Variants in ARHGEF17 observed in about 807,000 individuals in gnomAD.
ARHGEF17 encodes the protein Rho guanine nucleotide exchange factor 17.
ARHGEF17 carries 80 observed loss-of-function variants against 174.0 expected under a neutral mutation model. The ratio of observed to expected loss-of-function variants is 0.46; its 90% confidence interval spans 0.38 to 0.55. The LOEUF is 0.55. ARHGEF17 is among the 20% of genes least tolerant of loss of function. The pLI, the probability that ARHGEF17 is intolerant of heterozygous loss-of-function variation, is 0.00. For missense variants in ARHGEF17, 2,886 were observed against 2,839.7 expected (o/e 1.02, Z -0.37); for synonymous variants, 1,311 against 1,189.1 (o/e 1.10, Z -2.11).
At position 73,362,157 on chromosome 11, in the gene ARHGEF17, G is replaced by T; in HGVS notation, c.4612G>T (p.Asp1538Tyr). The T allele has an allele frequency of 6.2e-7, 1 of 1,604,458 alleles. No homozygotes were observed. ...VCLLSLRAEP[D>Y]VEACIAVCSA... ...CCTGCTGAGCCTGCGCGCCGAGCCG[G>T]ACGTGGAGGCCTGCATCGCCGTCTG... The change falls in exon 13 of 21, where the codon GAC (aspartate) becomes TAC (tyrosine). Residue 1538 changes from aspartate (D) to tyrosine (Y), a missense_variant. By Grantham distance (160) the Asp-to-Tyr change is radical (BLOSUM62 -3). Coordinates refer to ENST00000263674, the MANE Select transcript of ARHGEF17 (RefSeq NM_014786.4).
At chr11:73,367,468 A>G (rs1172109552) in intron 20 of ARHGEF17, 116 bp from the exon 21 acceptor site, 2 of 875,660 alleles carry the variant, frequency 2.3e-6, no homozygotes, top group African/African-American at 1.7e-5. Flanking sequence ...GGATTCCCCC[A>G]TAGGAAGTGT....
chr11:73,309,166 C>CT lies in ARHGEF17; in HGVS notation c.530dup (p.Leu179ProfsTer100). Reference sequence around the variant, plus strand: ...CACCGACGCCACCCCCTCGGACATGCTTCCCCCTGGCGGGTCTGCGTTCGG... The same window carrying CT: ...CACCGACGCCACCCCCTCGGACATGCTTTCCCCCTGGCGGGTCTGCGTTCGG... On this transcript the variant is annotated frameshift_variant, in exon 1 of 21. Transcript: ENST00000263674. LOFTEE classifies it high-confidence loss of function. 1.3e-6 allele frequency: 2 copies of CT among 1,591,294 alleles called. No individual in the cohort carries two copies. The highest frequency in any genetic ancestry group is 1.7e-6 in the Non-Finnish European group (2 of 1,169,482).
chr11:73,358,799 A>T (rs1421828092), intron 9 of ARHGEF17, among the ~76,000 whole-genome samples: 1 of 152,010 alleles, frequency 6.6e-6, no homozygotes, highest in Non-Finnish European at 1.5e-5. Context: ...TCAGGATTCG[A>T]TTTCAACCTG....
rs1268983571 is a variant in ARHGEF17, at chr11:73,362,160, G to A, written c.4615G>A (p.Val1539Met). ...GCTGAGCCTGCGCGCCGAGCCGGAC[G>A]TGGAGGCCTGCATCGCCGTCTGTTC... Reference protein sequence around the residue: ...CLLSLRAEPDVEACIAVCSAR... With the variant: ...CLLSLRAEPDMEACIAVCSAR... The change falls in exon 13 of 21, where the codon GTG becomes ATG. Residue 1539 changes from valine to methionine, a missense_variant. Physicochemically the swap from Val to Met is conservative, Grantham distance 21. Transcript: ENST00000263674. 1 of 1,602,462 alleles carries A rather than the reference G, an allele frequency of 6.2e-7. No individual in the cohort carries two copies. The highest frequency in any genetic ancestry group is 1.7e-5 in the Admixed American group (1 of 59,304).
At chr11:73,360,796 G>A (rs1184736800) in intron 11 of ARHGEF17, among the ~76,000 whole-genome samples, 3 of 152,104 alleles carry the variant, frequency 2.0e-5, no homozygotes, top group Admixed American at 6.5e-5. Flanking sequence ...CAAGACCCTC[G>A]CCATACCCTC....
rs1209607361 is a variant in ARHGEF17 at position 73,308,575 on chromosome 11, G to T, written c.-64G>T. 3 of 1,336,368 alleles carry T rather than the reference G, an allele frequency of 2.2e-6. No individual in the cohort carries two copies. The highest frequency in any genetic ancestry group is 1.6e-5 in the African/African-American group (1 of 64,430). The allele number at this position is 1,336,368 out of a possible 1,614,324, so 82.8% of individuals were successfully genotyped here. A position where few individuals can be genotyped will look rare whatever the true frequency, so the allele number is the denominator to read the frequency against. On this transcript the variant is annotated 5_prime_UTR_variant, in exon 1 of 21. Transcript: ENST00000263674. ...TGGGCCGCTGCGCTCCTAGGGAGTG[G>T]GGGCGCAGGGGGGGTTGGCCGCGGC...
rs140021034 is a variant in ARHGEF17, at chr11:73,338,538, C to T, written c.3193-8345C>T. Among the ~76,000 whole-genome samples, 931 of 152,220 alleles carry T rather than the reference C, an allele frequency of 6.1e-3. 9 individuals are homozygous for T. Among genetic ancestry groups the T allele is most frequent in the Middle Eastern group, 0.027 (8 of 294 alleles). ...GTCTGTGTGGGCCATTCGCCAGGGC[C>T]GAGTTCCCAGGGAAGAGGATCTTCT... On this transcript the variant is annotated intron_variant, in intron 1 of 20. Transcript: ENST00000263674.
chr11:73,352,168 T>C (rs1865565162), intron 2 of ARHGEF17, among the ~76,000 whole-genome samples: 1 of 151,834 alleles, frequency 6.6e-6, no homozygotes, highest in Non-Finnish European at 1.5e-5. Flanking sequence ...ATGAAAAATA[T>C]AAAAAACTAG....
rs775163119 is a variant in ARHGEF17, at chr11:73,352,919, C to G, written c.3360C>G (p.Leu1120=). 3 of 1,614,176 alleles carry G rather than the reference C, an allele frequency of 1.9e-6. No individual in the cohort carries two copies. In the South Asian group the frequency reaches 3.3e-5, roughly 18 times the overall value. Residue 1120 remains leucine (L), a synonymous_variant, in exon 3 of 21, where the codon CTC becomes CTG. Coordinates refer to ENST00000263674, the MANE Select transcript of ARHGEF17 (RefSeq NM_014786.4). ...AGATCTTCGACCAGATCCCCGAGCT[C>G]CTGGAGCACCACGAGCAATTCCTGG... ...VDEIFDQIPE[L]LEHHEQFLEQ... is the part of the protein sequence containing the mutation.
intron 2 of ARHGEF17, among the ~76,000 whole-genome samples, chr11:73,348,650 A>G (rs1399742385): frequency 6.6e-6 from 1 of 152,150 alleles, no homozygotes; most frequent in African/African-American, 2.4e-5. Flanking sequence ...TTACTATTTA[A>G]TGGGTGTACA....
chr11:73,313,015 T>A (rs947534806), intron 1 of ARHGEF17, among the ~76,000 whole-genome samples: 2 of 152,196 alleles, frequency 1.3e-5, no homozygotes, highest in African/African-American at 4.8e-5. Flanking sequence ...TTACTTCAAC[T>A]GTGGCCTGCG....
At chr11:73,342,306 G>A (rs1295832304) in intron 1 of ARHGEF17, among the ~76,000 whole-genome samples, 1 of 152,130 alleles carries the variant, frequency 6.6e-6, no homozygotes, top group East Asian at 1.9e-4. Context: ...GGGTAGGGAT[G>A]ATTCAAGGTG....
In ARHGEF17 at chr11:73,365,730, G is replaced by T; in HGVS notation, c.5778G>T (p.Ala1926=). The part of the protein sequence containing the change: ...QHKAACLRIT[A]LLVCEELLWV... The stretch of plus-strand genomic sequence containing the variant: ...AGGCTGCCTGTCTGCGAATCACAGC[G>T]CTGCTGGTGTGTGAGGAGCTGCTGT... The change falls in exon 20 of 21, where the codon GCG becomes GCT. Residue 1926 remains alanine, a synonymous_variant. Transcript: ENST00000263674. The surrounding 1 kb of genome is among the most constrained non-coding windows in gnomAD (Gnocchi z 4.9). 1 of 1,613,658 alleles carries T rather than the reference G, an allele frequency of 6.2e-7. No individual in the cohort carries two copies. Among genetic ancestry groups the T allele is most frequent in the African/African-American group, 1.3e-5 (1 of 75,058 alleles).
chr11:73,316,103 TC>T (rs1225790435), intron 1 of ARHGEF17, among the ~76,000 whole-genome samples: 2 of 152,172 alleles, frequency 1.3e-5, no homozygotes, highest in African/African-American at 4.8e-5. Flanking sequence ...CCGAGGGACT[TC>T]CTAGAAGAGG....
At position 73,310,602 on chromosome 11, in the gene ARHGEF17, C is replaced by T. The variant is rs2135784370; in HGVS notation, c.1964C>T (p.Pro655Leu). Reference protein sequence around the residue: ...DEGIGADPEPPVAAFCGLGTT... With the variant: ...DEGIGADPEPLVAAFCGLGTT... ...GGCATTGGGGCAGACCCTGAGCCTC[C>T]TGTTGCAGCATTTTGCGGCCTGGGT... Residue 655 changes from proline (P) to leucine (L), a missense_variant, in exon 1 of 21, where the codon CCT becomes CTT. Pro to Leu is a moderately conservative substitution (Grantham distance 98, BLOSUM62 -3). This residue lies in a region of ARHGEF17 where 1,728 missense variants were observed against 1,461.2 expected (regional missense o/e 1.18). Coordinates refer to ENST00000263674, the MANE Select transcript of ARHGEF17 (RefSeq NM_014786.4). 1 of 1,614,158 alleles carries T rather than the reference C, an allele frequency of 6.2e-7. No homozygotes were observed. Among genetic ancestry groups the T allele is most frequent in the Non-Finnish European group, 8.5e-7 (1 of 1,180,024 alleles).
intron 2 of ARHGEF17, among the ~76,000 whole-genome samples, chr11:73,347,698 A>G (rs1306143515): frequency 6.6e-6 from 1 of 152,210 alleles, no homozygotes; most frequent in Non-Finnish European, 1.5e-5. Context: ...AGATTCTGCC[A>G]GGGTCCGTGG....
intron 1 of ARHGEF17, among the ~76,000 whole-genome samples, chr11:73,330,346 A>G (rs2134399107): frequency 6.6e-6 from 1 of 152,372 alleles, no homozygotes; most frequent in South Asian, 2.1e-4. Context: ...TCCCACTCCA[A>G]GATTATAAAG....
chr11:73,350,851 C>T (rs1011632784), intron 2 of ARHGEF17, among the ~76,000 whole-genome samples: 3 of 152,224 alleles, frequency 2.0e-5, no homozygotes, highest in Non-Finnish European at 2.9e-5. Context: ...TAGTAATTTA[C>T]GCATTTATCG....
At chr11:73,362,295 G>C (rs1591762299) in intron 13 of ARHGEF17, 56 bp downstream of exon 13, 1 of 1,460,494 alleles carries the variant, frequency 6.8e-7, no homozygotes, top group Admixed American at 2.5e-5. Context: ...ACCAACCCCT[G>C]TCCCAGCACA....
Sources: gnomAD v4.1 joint callset for allele counts (sites outside exome capture counted in the v4.1 genomes callset) on GRCh38, gnomAD v4.1.1 for gene constraint, gnomAD v4.1.1 regional missense constraint, Gnocchi (gnomAD v3.1) non-coding constraint, MANE v1.5 for transcripts, NCBI Gene and HGNC (gene_info 2026-07-23, HGNC 2026-07-21) for gene names.